The following TENM2 variants were observed in gnomAD, a reference collection of about 807,000 sequenced individuals.
TENM2 encodes the protein teneurin-2.
TENM2 carries 52 observed loss-of-function variants against 245.2 expected under a neutral mutation model. The observed-to-expected ratio is 0.21, with a 90% confidence interval of 0.17 to 0.27. The LOEUF is 0.27. TENM2 is among the 10% of genes least tolerant of loss of function. TENM2 has a pLI of 1.00. For missense variants in TENM2, 3,046 were observed against 3,666.8 expected (o/e 0.83, Z 4.37); for synonymous variants, 1,363 against 1,438.9 (o/e 0.95, Z 1.19).
chr5:167,758,259 A>G (rs896299514), intron 2 of TENM2, among the ~76,000 whole-genome samples: 1 of 152,186 alleles, frequency 6.6e-6, no homozygotes, highest in African/African-American at 2.4e-5. Context: ...CCAGTTTACC[A>G]TGATGGTGAC....
chr5:167,421,958 A>G (rs976103228), intron 2 of TENM2, among the ~76,000 whole-genome samples: 1 of 151,986 alleles, frequency 6.6e-6, no homozygotes, highest in Non-Finnish European at 1.5e-5. Flanking sequence ...CACCCAGCTA[A>G]TATTTGTATT....
intron 6 of TENM2, among the ~76,000 whole-genome samples, chr5:168,051,959 T>A (rs1251215022): frequency 6.6e-6 from 1 of 152,178 alleles, no homozygotes; most frequent in Non-Finnish European, 1.5e-5. Context: ...AGAGGCTATA[T>A]TTTCCAAAGG....
intron 3 of TENM2, among the ~76,000 whole-genome samples, chr5:167,914,975 G>A (rs552413254): frequency 2.6e-5 from 4 of 152,248 alleles, no homozygotes; most frequent in African/African-American, 4.8e-5. Flanking sequence ...AAAAGGTCAC[G>A]TTGTGTGGTC....
chr5:168,204,487 C>T, exon 19 of TENM2: 1 of 1,614,042 alleles, frequency 6.2e-7, no homozygotes, highest in South Asian at 1.1e-5. Flanking sequence ...GCTGCAACGG[C>T]CTTGCTGAAG....
chr5:167,591,050 A>G (rs1344005538), intron 2 of TENM2, among the ~76,000 whole-genome samples: 3 of 152,216 alleles, frequency 2.0e-5, no homozygotes, highest in Non-Finnish European at 4.4e-5. Context: ...CATTTATGTC[A>G]GTAATAATTG....
chr5:166,998,203 C>T, the TENM2 span, among the ~76,000 whole-genome samples: 1 of 152,036 alleles, frequency 6.6e-6, no homozygotes, highest in Admixed American at 6.6e-5. Flanking sequence ...GAGAAAAGAC[C>T]AAATGTGGTT....
At chr5:168,179,959 C>T (rs1005410149) in intron 13 of TENM2, among the ~76,000 whole-genome samples, 1 of 152,214 alleles carries the variant, frequency 6.6e-6, no homozygotes, top group Non-Finnish European at 1.5e-5. Context: ...ATGTTGTCAC[C>T]TAGCACAGGG....
At chr5:167,763,555 G>T (rs1361198567) in intron 2 of TENM2, among the ~76,000 whole-genome samples, 1 of 152,176 alleles carries the variant, frequency 6.6e-6, no homozygotes. Flanking sequence ...AAAAAAAGAT[G>T]CTGTTCACAG....
the TENM2 span, among the ~76,000 whole-genome samples, chr5:167,179,329 G>A: frequency 2.6e-5 from 4 of 152,256 alleles, no homozygotes; most frequent in East Asian, 1.9e-4. Flanking sequence ...TTCATTGTAC[G>A]TACTAACGGG....
At chr5:168,132,638 G>C (rs1411231730) in intron 12 of TENM2, among the ~76,000 whole-genome samples, 1 of 152,228 alleles carries the variant, frequency 6.6e-6, no homozygotes, top group East Asian at 1.9e-4. Flanking sequence ...CCAGAGCAAA[G>C]AATTGAACAG....
chr5:168,257,444 T>G (rs902087145), intron 27 of TENM2, among the ~76,000 whole-genome samples: 1 of 152,076 alleles, frequency 6.6e-6, no homozygotes, highest in South Asian at 2.1e-4. Context: ...CCCTGGCATA[T>G]TCAAAGAACA....
chr5:167,560,033 C>T (rs9313384), intron 2 of TENM2, among the ~76,000 whole-genome samples: 7,847 of 152,060 alleles, frequency 0.052, 528 homozygotes, highest in African/African-American at 0.15. Context: ...ATCTCAGATC[C>T]GTACTGTTGT....
chr5:167,512,568 A>G lies in TENM2; in HGVS notation c.502+137095A>G, dbSNP rs190586447. ...TGCTATCAGTTCCTCTGAATAAGGAAAAAAGGAATAGCATCTTTTGTATGT... is the reference window on the plus strand; with the variant it reads ...TGCTATCAGTTCCTCTGAATAAGGAGAAAAGGAATAGCATCTTTTGTATGT... On this transcript the variant is annotated intron_variant, in intron 2 of 28. Coordinates refer to ENST00000518659, the Ensembl canonical transcript of TENM2. 2.6e-5 allele frequency among the ~76,000 whole-genome samples: 4 copies of G among 152,332 alleles called. No individual in the cohort carries two copies. The East Asian group carries it at 7.7e-4, about 29-fold the overall frequency.
chr5:167,176,283 T>C, the TENM2 span, among the ~76,000 whole-genome samples: 3 of 152,192 alleles, frequency 2.0e-5, no homozygotes, highest in Non-Finnish European at 4.4e-5. Flanking sequence ...TTGTTGTTCT[T>C]TTTTACCCAA....
chr5:167,723,987 G>A (rs1186843900), intron 2 of TENM2, among the ~76,000 whole-genome samples: 2 of 152,354 alleles, frequency 1.3e-5, no homozygotes, highest in Non-Finnish European at 1.5e-5. Context: ...GAGTTCCACA[G>A]CCCTTCTGAC....
intron 2 of TENM2, among the ~76,000 whole-genome samples, chr5:167,446,553 G>C (rs1765218983): frequency 6.6e-6 from 1 of 152,132 alleles, no homozygotes; most frequent in African/African-American, 2.4e-5. Flanking sequence ...TGTATAAGAA[G>C]TCCAGAAAAC....
At chr5:166,992,135 TATAA>T in the TENM2 span, among the ~76,000 whole-genome samples, 13 of 152,138 alleles carry the variant, frequency 8.5e-5, no homozygotes, top group African/African-American at 2.9e-4. Context: ...GATTTCATAT[TATAA>T]ATAAATCATG....
At chr5:168,055,830 A>G (rs1215215006) in intron 6 of TENM2, among the ~76,000 whole-genome samples, 1 of 152,216 alleles carries the variant, frequency 6.6e-6, no homozygotes, top group African/African-American at 2.4e-5. Context: ...AGGGCTTTTG[A>G]TTAGCCCAAA....
the TENM2 span, among the ~76,000 whole-genome samples, chr5:167,263,804 G>T: frequency 6.6e-6 from 1 of 151,952 alleles, no homozygotes; most frequent in Non-Finnish European, 1.5e-5. Flanking sequence ...AGAATTCCTG[G>T]CCAGGCACAG....
Sources: gnomAD v4.1 joint callset for allele counts (sites outside exome capture counted in the v4.1 genomes callset) on GRCh38, gnomAD v4.1.1 for gene constraint, MANE v1.5 for transcripts, NCBI Gene and HGNC (gene_info 2026-07-23, HGNC 2026-07-21) for gene names.